Variants in SAAL1 observed in about 807,000 individuals in gnomAD.
SAAL1 encodes serum amyloid A like 1, also known as protein SAAL1.
A neutral mutation model predicts 59.8 loss-of-function variants in SAAL1; 42 were observed. The observed-to-expected ratio is 0.70, with a 90% CI of 0.55 to 0.91. The LOEUF (loss-of-function observed/expected upper bound fraction) is 0.91, where lower values mean the gene tolerates loss of function less well. Ranked by LOEUF, SAAL1 falls within the 40% of genes least tolerant of loss-of-function variation. The pLI, the probability that SAAL1 is intolerant of heterozygous loss-of-function variation, is 0.00. For synonymous variants in SAAL1, 191 were observed against 194.3 expected, an observed-to-expected ratio of 0.98 and a Z score of 0.14; for missense variants, 542 against 561.1, an observed-to-expected ratio of 0.97 and a Z score of 0.34.
chr11:18,098,593 C>T (rs1037648622), intron 2 of SAAL1, among the ~76,000 whole-genome samples: 12 of 152,226 alleles, frequency 7.9e-5, no homozygotes, highest in Non-Finnish European at 1.3e-4. Context: ...CCTGGAACAT[C>T]TCAAAGAGAC....
chr11:18,088,706 C>A (rs1007532056), intron 7 of SAAL1, among the ~76,000 whole-genome samples: 3 of 152,140 alleles, frequency 2.0e-5, no homozygotes, highest in Non-Finnish European at 2.9e-5. Flanking sequence ...ATGATTACAT[C>A]ATTTACTGAG....
Position 18,087,010 on chromosome 11 carries a change from C to T in SAAL1, c.898G>A (p.Asp300Asn). ...TGKDIWNLLF[D>N]LVCHEFCQSD... ...TGGCAGAATTCATGGCAGACCAGGT[C>T]AAAAAGTAAATTCCAAATGTCTTTT... Residue 300 changes from aspartate to asparagine, a missense_variant, in exon 9 of 12, where the codon GAC becomes AAC. Coordinates refer to ENST00000524803, the MANE Select transcript of SAAL1 (RefSeq NM_138421.3). 1 of 1,613,914 alleles carries T rather than the reference C, an allele frequency of 6.2e-7. No individual in the cohort carries two copies.
chr11:18,083,457 T>TAA, intron 10 of SAAL1, 78 bp downstream of exon 10: 1 of 735,986 alleles, frequency 1.4e-6, no homozygotes, highest in Non-Finnish European at 2.1e-6. Context: ...CTTTCATATT[T>TAA]AAAAAAAAAT....
Position 18,090,174 on chromosome 11 carries a change from C to T in SAAL1, c.589+1G>A. On this transcript the variant is annotated splice_donor_variant, in intron 6 of 11. Coordinates refer to ENST00000524803, the MANE Select transcript of SAAL1 (RefSeq NM_138421.3). LOFTEE classifies it high-confidence loss of function. ...TTTTTCTAGAGTACATGATGACTTA[C>T]CATTTGTTGAACTTGACATAATGAA... 1 of 1,583,466 alleles carries T rather than the reference C, an allele frequency of 6.3e-7. No individual in the cohort carries two copies. Among genetic ancestry groups the T allele is most frequent in the African/African-American group, 1.4e-5 (1 of 72,722 alleles).
At chr11:18,080,894 A>T (rs1848402452) in intron 11 of SAAL1, among the ~76,000 whole-genome samples, 4 of 152,252 alleles carry the variant, frequency 2.6e-5, no homozygotes, top group Admixed American at 2.6e-4. Context: ...ACTTCATAAC[A>T]GAAAGGAGTA....
chr11:18,090,399 G>C (rs776168200), intron 5 of SAAL1, 35 bp downstream of exon 5: 2 of 1,589,468 alleles, frequency 1.3e-6, no homozygotes, highest in Non-Finnish European at 1.7e-6. Context: ...ACTCTTATGA[G>C]TAACCTTATA....
At position 18,081,521 on chromosome 11, in the gene SAAL1, T is replaced by G; in HGVS notation, c.1240-18A>C. ...ACCGTCTCCTAAAACAACAACAAGA[T>G]TTAATGTCAAAAAAGGAAAATTTTT... On this transcript the variant is annotated intron_variant, in intron 10 of 11. Coordinates refer to ENST00000524803, the MANE Select transcript of SAAL1 (RefSeq NM_138421.3). 1 of 1,609,396 alleles carries G rather than the reference T, an allele frequency of 6.2e-7. No individual in the cohort carries two copies. Among genetic ancestry groups the G allele is most frequent in the Non-Finnish European group, 8.5e-7 (1 of 1,176,636 alleles).
chr11:18,081,109 C>A (rs960695128), intron 11 of SAAL1, among the ~76,000 whole-genome samples: 1 of 152,040 alleles, frequency 6.6e-6, no homozygotes, highest in Non-Finnish European at 1.5e-5. Flanking sequence ...GAGCTTAGTA[C>A]CCAATAGGTA....
chr11:18,087,848 A>T (rs1474712586), intron 7 of SAAL1, among the ~76,000 whole-genome samples: 1 of 152,246 alleles, frequency 6.6e-6, no homozygotes, highest in Non-Finnish European at 1.5e-5. Context: ...CTATGTTAGG[A>T]GTTGAGAAAA....
chr11:18,105,075 T>TATA (rs539058907), intron 1 of SAAL1, among the ~76,000 whole-genome samples: 22 of 152,188 alleles, frequency 1.4e-4, no homozygotes, highest in African/African-American at 5.3e-4. Context: ...TAACCTTATA[T>TATA]ATAATATAAA....
At chr11:18,097,983 A>C (rs115704863) in intron 2 of SAAL1, among the ~76,000 whole-genome samples, 2,843 of 152,202 alleles carry the variant, frequency 0.019, 76 homozygotes, top group African/African-American at 0.061. Context: ...CCATCTCTAC[A>C]AACAATACAA....
Position 18,103,305 on chromosome 11 carries a change from C to T in SAAL1, c.177G>A (p.Glu59=). The T allele has an allele frequency of 6.2e-7, 1 of 1,613,922 alleles. No homozygotes were observed. Among genetic ancestry groups the T allele is most frequent in the Admixed American group, 1.7e-5 (1 of 60,032 alleles). Residue 59 remains glutamate, a synonymous_variant, in exon 2 of 12, where the codon GAG becomes GAA. Coordinates refer to ENST00000524803, the MANE Select transcript of SAAL1 (RefSeq NM_138421.3). ...CTTCATCAAGCTCCGTCAGCTGCTC[C>T]TCATCATCTGAGCTAGATTTGGTGT... ...PENTKSSSDD[E]EQLTELDEEM...
Position 18,089,357 on chromosome 11 carries a change from C to T in SAAL1, c.743G>A (p.Cys248Tyr). Residue 248 changes from cysteine to tyrosine, a missense_variant, in exon 7 of 12, where the codon TGT (cysteine) becomes TAT (tyrosine). Physicochemically the swap from Cys to Tyr is radical, Grantham distance 194. Transcript: ENST00000524803. ...EEQPVFRLVP[C>Y]ILEAAKQVRS... ...TACTTGTTTGGCAGCTTCAAGTATA[C>T]AGGGCACAAGCCGAAACACTGGCTG... The T allele has an allele frequency of 6.3e-7, 1 of 1,575,690 alleles. No individual in the cohort carries two copies. The highest frequency in any genetic ancestry group is 8.6e-7 in the Non-Finnish European group (1 of 1,167,988).
chr11:18,093,047 C>A (rs866766479), intron 3 of SAAL1, among the ~76,000 whole-genome samples: 2 of 152,110 alleles, frequency 1.3e-5, no homozygotes, highest in Admixed American at 6.5e-5. Flanking sequence ...AATCTTGCAC[C>A]GTCTCACCCA....
intron 9 of SAAL1, among the ~76,000 whole-genome samples, chr11:18,086,611 G>A (rs1848466294): frequency 6.6e-6 from 1 of 151,930 alleles, no homozygotes; most frequent in African/African-American, 2.4e-5. Flanking sequence ...TGAGGCACGA[G>A]AATCACTTGA....
chr11:18,093,170 C>T (rs75908393), intron 3 of SAAL1, among the ~76,000 whole-genome samples: 3,136 of 152,202 alleles, frequency 0.021, 133 homozygotes, highest in African/African-American at 0.073. Flanking sequence ...TCTCACAGGG[C>T]TTGTGTTCAT....
In SAAL1 at chr11:18,096,768, T is replaced by A. The variant is rs1344201811; in HGVS notation, c.333+3A>T. Reference sequence around the variant, plus strand: ...AGAAGGCTTTAGAAATGTACATACTTACTCTTAATCGAGGACACTTGGACT... The same window carrying A: ...AGAAGGCTTTAGAAATGTACATACTAACTCTTAATCGAGGACACTTGGACT... On this transcript the variant is annotated splice_donor_region_variant and intron_variant, in intron 3 of 11. Coordinates refer to ENST00000524803, the MANE Select transcript of SAAL1 (RefSeq NM_138421.3). 7.1e-7 allele frequency: 1 copy of A among 1,418,094 alleles called. No homozygotes were observed. The highest frequency in any genetic ancestry group is 1.4e-5 in the African/African-American group (1 of 70,784). 87.8% of individuals were successfully genotyped at this position (1,418,094 alleles called of 1,614,324 possible). A position where few individuals can be genotyped will look rare whatever the true frequency, so the allele number is the denominator to read the frequency against.
In SAAL1 at chr11:18,103,311, A is replaced by T. The variant is rs1848653293; in HGVS notation, c.171T>A (p.Asp57Glu). The T allele has an allele frequency of 1.9e-6, 3 of 1,613,954 alleles. No homozygotes were observed. Among genetic ancestry groups the T allele is most frequent in the Non-Finnish European group, 2.5e-6 (3 of 1,179,964 alleles). The change falls in exon 2 of 12, where the codon GAT becomes GAA. Residue 57 changes from aspartate to glutamate, a missense_variant. Physicochemically the swap from Asp to Glu is conservative, Grantham distance 45. Coordinates refer to ENST00000524803, the MANE Select transcript of SAAL1 (RefSeq NM_138421.3). ...CAAGCTCCGTCAGCTGCTCCTCATC[A>T]TCTGAGCTAGATTTGGTGTTTTCAG... ...VSPENTKSSS[D>E]DEEQLTELDE...
chr11:18,099,470 CAACTA>C (rs923880813), intron 2 of SAAL1, among the ~76,000 whole-genome samples: 1 of 152,112 alleles, frequency 6.6e-6, no homozygotes, highest in African/African-American at 2.4e-5. Flanking sequence ...AAATATAAAA[CAACTA>C]AACTACACAA....
Sources: allele counts gnomAD v4.1 joint callset (sites outside exome capture counted in the v4.1 genomes callset), GRCh38; gene constraint gnomAD v4.1.1; transcripts MANE v1.5; gene names NCBI Gene and HGNC (gene_info 2026-07-23, HGNC 2026-07-21).